DSCAML1: variants seen among roughly 807,000 people sequenced by gnomAD.
DSCAML1 encodes DS cell adhesion molecule like 1, also known as cell adhesion molecule DSCAML1.
A neutral mutation model predicts 200.5 loss-of-function variants in DSCAML1; 38 were observed. The observed-to-expected ratio is 0.19, with a 90% CI of 0.15 to 0.25. DSCAML1 has a LOEUF of 0.25. Among genes scored for constraint, DSCAML1 ranks in the 10% least tolerant of loss-of-function variants. DSCAML1 has a pLI of 1.00. For missense variants in DSCAML1, 2,223 were observed against 2,858.8 expected (o/e 0.78, Z 5.07); for synonymous variants, 1,215 against 1,165.0 (o/e 1.04, Z -0.87).
chr11:117,689,964 T>C (rs57550545), intron 3 of DSCAML1, among the ~76,000 whole-genome samples: 19,020 of 151,842 alleles, frequency 0.13, 1,238 homozygotes, highest in East Asian at 0.14. Flanking sequence ...GAGGTGGGGA[T>C]GGGGGAAGGG....
chr11:117,776,914 G>C lies in DSCAML1; in HGVS notation c.388C>G (p.Arg130Gly), dbSNP rs1009631617. Residue 130 changes from arginine to glycine, a missense_variant, in exon 3 of 33, where the codon CGG becomes GGG. Coordinates refer to ENST00000651296, the MANE Select transcript of DSCAML1 (RefSeq NM_020693.4). ...CGCATTGACCTTTGATCCTCCACCC[G>C]GACGGTGTAGGGTTCCCTGAAAACT... ...KAVFREPYTV[R>G]VEDQRSMRGN... The C allele has an allele frequency of 6.2e-7, 1 of 1,613,886 alleles. No individual in the cohort carries two copies. The highest frequency in any genetic ancestry group is 8.5e-7 in the Non-Finnish European group (1 of 1,180,032).
chr11:117,801,593 ATAT>A (rs1189553274), upstream of DSCAML1: 1 of 152,272 alleles, frequency 6.6e-6, no homozygotes, highest in Admixed American at 6.5e-5. Flanking sequence ...ATATAAAAAA[ATAT>A]TATGTGTCAT....
At chr11:117,462,021 T>C (rs1219142140) in intron 17 of DSCAML1, among the ~76,000 whole-genome samples, 1 of 152,208 alleles carries the variant, frequency 6.6e-6, no homozygotes, top group African/African-American at 2.4e-5. Context: ...TCACCTCATC[T>C]GATGGCTGCC....
chr11:117,684,628 C>T (rs1348791513), intron 3 of DSCAML1, among the ~76,000 whole-genome samples: 1 of 151,838 alleles, frequency 6.6e-6, no homozygotes, highest in Non-Finnish European at 1.5e-5. Context: ...TGGAGGTGGC[C>T]CCTCCTGTCT....
chr11:117,631,690 C>CTGTGTG (rs376799210), intron 3 of DSCAML1, among the ~76,000 whole-genome samples: 2 of 150,292 alleles, frequency 1.3e-5, no homozygotes, highest in Non-Finnish European at 3.0e-5. Context: ...GTGATTGTGC[C>CTGTGTG]TGTGTGTGTG....
In DSCAML1 at chr11:117,505,130, G is replaced by A; in HGVS notation, c.2063-87C>T. The stretch of plus-strand genomic sequence containing the variant: ...TTCGAGCACCTTCTGTTTGAGGTCA[G>A]CCCTGCCCGGGCCATTATAAAGTTG... On this transcript the variant is annotated intron_variant, in intron 9 of 32. Transcript: ENST00000651296. The surrounding 1 kb of genome is among the most constrained non-coding windows in gnomAD (Gnocchi z 6.7). 7.2e-6 allele frequency: 11 copies of A among 1,527,330 alleles called. No individual in the cohort carries two copies. The highest frequency in any genetic ancestry group is 9.7e-6 in the Non-Finnish European group (11 of 1,132,498). The allele number at this position is 1,527,330 out of a possible 1,614,324, so 94.6% of individuals were successfully genotyped here. A position where few individuals can be genotyped will look rare whatever the true frequency, so the allele number is the denominator to read the frequency against.
At chr11:117,784,314 C>T (rs1278500357) in intron 1 of DSCAML1, among the ~76,000 whole-genome samples, 2 of 152,236 alleles carry the variant, frequency 1.3e-5, no homozygotes, top group East Asian at 1.9e-4. Context: ...CATCACAAGG[C>T]ACCTGTCAGC....
chr11:117,564,041 A>T (rs980455162), intron 3 of DSCAML1, among the ~76,000 whole-genome samples: 4 of 152,208 alleles, frequency 2.6e-5, no homozygotes, highest in African/African-American at 9.6e-5. Flanking sequence ...CCAGGGGCCC[A>T]CTAGTGGAGT....
In DSCAML1 at chr11:117,754,309, C is replaced by G. The variant is rs1242244010; in HGVS notation, c.511+22482G>C. ...GACACCAGGGAATTAATTCAACTCA[C>G]TGCTGTCACTCTGTCTCCCTCACCC... On this transcript the variant is annotated intron_variant, in intron 3 of 32. Coordinates refer to ENST00000651296, the MANE Select transcript of DSCAML1 (RefSeq NM_020693.4). Among the ~76,000 whole-genome samples, 3 of 152,328 alleles carry G rather than the reference C, an allele frequency of 2.0e-5. No individual in the cohort carries two copies. The South Asian group carries it at 6.2e-4, about 32-fold the overall frequency.
rs189358672 is a variant in DSCAML1, at chr11:117,762,205, A to T, written c.511+14586T>A. 2.0e-3 allele frequency among the ~76,000 whole-genome samples: 305 copies of T among 152,376 alleles called. 1 individual carries two copies. Among genetic ancestry groups the T allele is most frequent in the African/African-American group, 6.9e-3 (288 of 41,592 alleles). ...AAACAACTCAAAGGGCTCTGACAAGATAAGTTCATAAAGCAGACATGGAGT... is the reference window on the plus strand; with the variant it reads ...AAACAACTCAAAGGGCTCTGACAAGTTAAGTTCATAAAGCAGACATGGAGT... On this transcript the variant is annotated intron_variant, in intron 3 of 32. Transcript: ENST00000651296.
At chr11:117,557,026 C>G (rs1236017238) in intron 3 of DSCAML1, among the ~76,000 whole-genome samples, 1 of 152,160 alleles carries the variant, frequency 6.6e-6, no homozygotes, top group African/African-American at 2.4e-5. Flanking sequence ...ACAGTCCACA[C>G]AGGACCAGGC....
At chr11:117,434,363 C>T (rs1366880336) in intron 27 of DSCAML1, among the ~76,000 whole-genome samples, 1 of 152,160 alleles carries the variant, frequency 6.6e-6, no homozygotes, top group Non-Finnish European at 1.5e-5. Context: ...CTCATGAATT[C>T]AACATCCATT....
chr11:117,467,275 C>G (rs1464984473), intron 16 of DSCAML1, among the ~76,000 whole-genome samples: 2 of 144,438 alleles, frequency 1.4e-5, no homozygotes, highest in South Asian at 2.2e-4. Flanking sequence ...AAGCAAACAT[C>G]TTAATCCACA....
intron 3 of DSCAML1, among the ~76,000 whole-genome samples, chr11:117,699,673 C>T (rs1203583785): frequency 6.6e-6 from 1 of 152,196 alleles, no homozygotes; most frequent in Non-Finnish European, 1.5e-5. Context: ...AGAGCCGGGC[C>T]ATCCCCGCCC....
intron 3 of DSCAML1, among the ~76,000 whole-genome samples, chr11:117,732,798 TATC>T (rs1040876813): frequency 2.6e-5 from 4 of 152,050 alleles, no homozygotes; most frequent in East Asian, 1.9e-4. Context: ...TTATTATTAT[TATC>T]ATTATTATTA....
At chr11:117,447,579 A>G (rs1331715746) in intron 20 of DSCAML1, among the ~76,000 whole-genome samples, 1 of 152,186 alleles carries the variant, frequency 6.6e-6, no homozygotes, top group African/African-American at 2.4e-5. Flanking sequence ...ATAAAATTGC[A>G]TTATTTTTAT....
intron 4 of DSCAML1, among the ~76,000 whole-genome samples, chr11:117,530,123 T>C (rs934337125): frequency 6.6e-6 from 1 of 152,092 alleles, no homozygotes; most frequent in African/African-American, 2.4e-5. Flanking sequence ...CATGCCCGCT[T>C]TTCTATTTGG....
chr11:117,482,044 G>A lies in DSCAML1; in HGVS notation c.2478C>T (p.Asp826=). ...TGACGCGGTCAGGGTCGATGACTGT[G>A]TCCCCCTTCTCCCAGCGGATGATGA... The part of the protein sequence containing the change: ...RPIIIRWEKG[D]TVIDPDRVMR... The change falls in exon 12 of 33, where the codon GAC becomes GAT. Residue 826 remains aspartate, a synonymous_variant. Coordinates refer to ENST00000651296, the MANE Select transcript of DSCAML1 (RefSeq NM_020693.4). 1 of 1,614,208 alleles carries A rather than the reference G, an allele frequency of 6.2e-7. No individual in the cohort carries two copies. Among genetic ancestry groups the A allele is most frequent in the Non-Finnish European group, 8.5e-7 (1 of 1,180,020 alleles).
At chr11:117,453,747 T>TTTCTTTC (rs368068909) in intron 19 of DSCAML1, among the ~76,000 whole-genome samples, 1 of 101,446 alleles carries the variant, frequency 9.9e-6, no homozygotes, top group Non-Finnish European at 1.8e-5. Context: ...TCTTTCTTTC[T>TTTCTTTC]TTTTTTTTTT....
Sources: gnomAD v4.1 joint callset for allele counts (sites outside exome capture counted in the v4.1 genomes callset) on GRCh38, gnomAD v4.1.1 for gene constraint, Gnocchi (gnomAD v3.1) non-coding constraint, MANE v1.5 for transcripts, NCBI Gene and HGNC (gene_info 2026-07-23, HGNC 2026-07-21) for gene names.